The following CCDC146 variants were observed in gnomAD, a reference collection of about 807,000 sequenced individuals.
The protein encoded by CCDC146 is coiled-coil domain-containing protein 146.
Under a neutral mutation model 119.3 loss-of-function variants are expected in CCDC146, and 92 were observed. The observed-to-expected ratio is 0.77, with a 90% CI of 0.65 to 0.92. The LOEUF is 0.92. CCDC146 is among the 40% of genes least tolerant of loss of function. The pLI is 0.00. For missense variants in CCDC146, 1,000 were observed against 1,103.0 expected (o/e 0.91, Z 1.32); for synonymous variants, 372 against 371.8 (o/e 1.00, Z -0.01).
In CCDC146 at chr7:77,134,541, CTG is replaced by C. The variant is rs67724407; in HGVS notation, c.-12+11829_-12+11830del. Among the ~76,000 whole-genome samples the C allele has an allele frequency of 6.7e-4, 97 of 144,114 alleles. 3 individuals are homozygous for C. Among genetic ancestry groups the C allele is most frequent in the South Asian group, 2.3e-3 (10 of 4,332 alleles). 94.5% of individuals were successfully genotyped at this position (144,114 alleles called of 152,430 possible). A position where few individuals can be genotyped will look rare whatever the true frequency, so the allele number is the denominator to read the frequency against. ...AAATAAATTTCTGGCTAAGGCCACT[CTG>C]TGTGTGTGTGTGTGTGTGTCTGTGT... On this transcript the variant is annotated intron_variant, in intron 1 of 18. Transcript: ENST00000285871.
chr7:77,248,079 A>G (rs1792988852), intron 4 of CCDC146, among the ~76,000 whole-genome samples: 1 of 152,230 alleles, frequency 6.6e-6, no homozygotes, highest in Admixed American at 6.5e-5. Context: ...ATATATATAC[A>G]ATGGAATACT....
chr7:77,188,676 G>A (rs1791710202), intron 2 of CCDC146, among the ~76,000 whole-genome samples: 1 of 152,098 alleles, frequency 6.6e-6, no homozygotes, highest in Admixed American at 6.5e-5. Context: ...TTGCTGTCAG[G>A]TGTCTTCCTA....
chr7:77,214,656 C>T (rs572614901), intron 2 of CCDC146, among the ~76,000 whole-genome samples: 66 of 152,254 alleles, frequency 4.3e-4, no homozygotes, highest in Non-Finnish European at 8.5e-4. Context: ...ATATAGCTAG[C>T]CACTTTTTCC....
intron 2 of CCDC146, chr7:77,197,078 TG>T: frequency 1.3e-6 from 1 of 765,808 alleles, no homozygotes; most frequent in Non-Finnish European, 2.1e-6. Context: ...GTTTGATAAT[TG>T]AATCAATGGC....
chr7:77,216,459 C>A (rs1216008304), intron 2 of CCDC146, among the ~76,000 whole-genome samples: 1 of 152,084 alleles, frequency 6.6e-6, no homozygotes, highest in Non-Finnish European at 1.5e-5. Context: ...AGCCTCAGGC[C>A]AGCTTTGTGA....
At chr7:77,138,290 C>CA (rs59868618) in intron 1 of CCDC146, among the ~76,000 whole-genome samples, 6,416 of 121,768 alleles carry the variant, frequency 0.053, 428 homozygotes, top group African/African-American at 0.16. Context: ...GGGGCAGTTG[C>CA]AAAAAAAAAA....
chr7:77,203,636 T>G (rs1792034951), intron 2 of CCDC146, among the ~76,000 whole-genome samples: 1 of 152,186 alleles, frequency 6.6e-6, no homozygotes, highest in Non-Finnish European at 1.5e-5. Context: ...TGACTTGACC[T>G]TCTGCCTCTT....
At chr7:77,169,542 T>C (rs999127028) in intron 2 of CCDC146, among the ~76,000 whole-genome samples, 2 of 152,172 alleles carry the variant, frequency 1.3e-5, no homozygotes, top group African/African-American at 4.8e-5. Context: ...ATTTCTTCTA[T>C]ATTTATTAGG....
intron 4 of CCDC146, among the ~76,000 whole-genome samples, chr7:77,248,351 C>T (rs1792994371): frequency 6.6e-6 from 1 of 152,096 alleles, no homozygotes; most frequent in Admixed American, 6.5e-5. Flanking sequence ...GATGGTTGTA[C>T]CAAAAGCCCT....
intron 2 of CCDC146, among the ~76,000 whole-genome samples, chr7:77,181,764 GT>G (rs1163924053): frequency 6.6e-6 from 1 of 152,106 alleles, no homozygotes; most frequent in African/African-American, 2.4e-5. Flanking sequence ...GCTTATGATA[GT>G]TTTTTTCCCC....
At chr7:77,279,500 G>A (rs1375039754) in intron 13 of CCDC146, among the ~76,000 whole-genome samples, 1 of 152,072 alleles carries the variant, frequency 6.6e-6, no homozygotes. Context: ...ATTGGGATTG[G>A]GAAGTTAGAA....
Position 77,196,340 on chromosome 7 carries a change from C to A in CCDC146, c.156+28516C>A, listed in dbSNP as rs1268487077. On this transcript the variant is annotated intron_variant, in intron 2 of 18. Coordinates refer to ENST00000285871, the MANE Select transcript of CCDC146 (RefSeq NM_020879.3). This position sits in a 1 kb window ranked among gnomAD's most constrained non-coding sequence, Gnocchi z 4.2. ...AGCCTCTTTGAAGGAGGACTTGTAG[C>A]CACCAGGGTGTGCCTCACTTACACC... is the stretch of plus-strand genomic sequence containing the variant. The A allele has an allele frequency of 6.2e-7, 1 of 1,614,116 alleles. No individual in the cohort carries two copies. The highest frequency in any genetic ancestry group is 1.1e-5 in the South Asian group (1 of 91,084).
At chr7:77,292,854 C>G (rs920231828) in intron 17 of CCDC146, 98 bp from the exon 18 acceptor site, 1 of 1,330,394 alleles carries the variant, frequency 7.5e-7, no homozygotes, top group Non-Finnish European at 1.0e-6. Context: ...TTCCTTCAGA[C>G]AAAAATGCAC....
At chr7:77,259,547 G>A (rs1397980027) in intron 7 of CCDC146, among the ~76,000 whole-genome samples, 1 of 152,116 alleles carries the variant, frequency 6.6e-6, no homozygotes, top group African/African-American at 2.4e-5. Context: ...AACCAAAAAA[G>A]ATAAAGATTT....
intron 1 of CCDC146, among the ~76,000 whole-genome samples, chr7:77,153,432 T>C (rs992845638): frequency 1.3e-4 from 20 of 151,054 alleles, no homozygotes; most frequent in African/African-American, 3.4e-4. Flanking sequence ...TTTTCTTTTT[T>C]TTTTTTTTTT....
intron 9 of CCDC146, among the ~76,000 whole-genome samples, chr7:77,266,763 A>G (rs536758241): frequency 4.6e-5 from 7 of 151,964 alleles, no homozygotes; most frequent in Non-Finnish European, 7.4e-5. Flanking sequence ...TTCATGTCCA[A>G]TTTTTCCTCC....
rs115938127 is a variant in CCDC146, at chr7:77,288,112, C to T, written c.2415+535C>T. Among the ~76,000 whole-genome samples the T allele has an allele frequency of 6.8e-3, 1,030 of 152,266 alleles. 10 individuals are homozygous for T. Among genetic ancestry groups the T allele is most frequent in the African/African-American group, 0.024 (991 of 41,544 alleles). ...ATTTAATAAGCGTAAGAGACCAGGA[C>T]AGCAGATCCAGAGCCTCAGGGTCAG... On this transcript the variant is annotated intron_variant, in intron 17 of 18. Transcript: ENST00000285871.
rs1414962738 is a variant in CCDC146, at chr7:77,295,062, A to G, written c.*196A>G. 1 of 573,130 alleles carries G rather than the reference A, an allele frequency of 1.7e-6. No homozygotes were observed. Among genetic ancestry groups the G allele is most frequent in the Non-Finnish European group, 3.1e-6 (1 of 322,976 alleles). 35.5% of individuals were successfully genotyped at this position (573,130 alleles called of 1,614,324 possible). A position where few individuals can be genotyped will look rare whatever the true frequency, so the allele number is the denominator to read the frequency against. On this transcript the variant is annotated 3_prime_UTR_variant, in exon 19 of 19. Coordinates refer to ENST00000285871, the MANE Select transcript of CCDC146 (RefSeq NM_020879.3). ...CCTTTCATGACGTTGAATGGGACAT[A>G]GAACTGTCCTACATTTATGTCAAAG...
chr7:77,186,911 A>G (rs1265473082), intron 2 of CCDC146, among the ~76,000 whole-genome samples: 1 of 152,180 alleles, frequency 6.6e-6, no homozygotes, highest in African/African-American at 2.4e-5. Context: ...CAATTTGAAC[A>G]CTCAGCAGTC....
Sources: allele counts gnomAD v4.1 joint callset (sites outside exome capture counted in the v4.1 genomes callset), GRCh38; gene constraint gnomAD v4.1.1; non-coding constraint Gnocchi (gnomAD v3.1); transcripts MANE v1.5; gene names NCBI Gene and HGNC (gene_info 2026-07-23, HGNC 2026-07-21).